The following PSEN1 variants were observed in gnomAD, a reference collection of about 807,000 sequenced individuals.
PSEN1 encodes presenilin 1, also known as presenilin-1.
PSEN1 carries 15 observed loss-of-function variants against 53.5 expected under a neutral mutation model. That is an observed-to-expected ratio of 0.28 (90% CI 0.19 to 0.43). The LOEUF is 0.43. Among genes scored for constraint, PSEN1 ranks in the 20% least tolerant of loss-of-function variants. The pLI, the probability that PSEN1 is intolerant of heterozygous loss-of-function variation, is 1.00. For missense variants in PSEN1, 387 were observed against 571.2 expected (o/e 0.68, Z 3.29); for synonymous variants, 208 against 209.8 (o/e 0.99, Z 0.08).
At chr14:73,196,171 T>G (rs1379528635) in intron 7 of PSEN1, among the ~76,000 whole-genome samples, 2 of 152,188 alleles carry the variant, frequency 1.3e-5, no homozygotes, top group Non-Finnish European at 2.9e-5. Flanking sequence ...CAAAAGCAAT[T>G]TTAATTTAAT....
At chr14:73,207,370 C>G (rs976860422) in intron 9 of PSEN1, among the ~76,000 whole-genome samples, 3 of 151,138 alleles carry the variant, frequency 2.0e-5, no homozygotes, top group African/African-American at 4.9e-5. Flanking sequence ...TATAAATAGT[C>G]TAAAAAAAGG....
Position 73,211,807 on chromosome 14 carries a change from G to A in PSEN1, c.994G>A (p.Asp332Asn), listed in dbSNP as rs1899695685. 1 of 1,614,148 alleles carries A rather than the reference G, an allele frequency of 6.2e-7. No individual in the cohort carries two copies. Among genetic ancestry groups the A allele is most frequent in the African/African-American group, 1.3e-5 (1 of 75,040 alleles). Residue 332 changes from aspartate to asparagine, a missense_variant, in exon 10 of 12, where the codon GAT becomes AAT. By Grantham distance (23) the Asp-to-Asn change is conservative (BLOSUM62 1). Transcript: ENST00000324501. The stretch of plus-strand genomic sequence containing the variant: ...GTCACAAGACACTGTTGCAGAGAAT[G>A]ATGATGGCGGGTTCAGTGAGGAATG... ...RESQDTVAEN[D>N]DGGFSEEWEA...
At chr14:73,175,821 T>C (rs1382330639) in intron 5 of PSEN1, among the ~76,000 whole-genome samples, 1 of 152,220 alleles carries the variant, frequency 6.6e-6, no homozygotes, top group Non-Finnish European at 1.5e-5. Flanking sequence ...AGTAGAATTT[T>C]TGGGGCAAAT....
chr14:73,200,061 G>C (rs1899114751), intron 8 of PSEN1, among the ~76,000 whole-genome samples: 3 of 152,086 alleles, frequency 2.0e-5, no homozygotes, highest in African/African-American at 4.8e-5. Flanking sequence ...CTTTGTTAAT[G>C]CTTGCCTGTG....
intron 1 of PSEN1, among the ~76,000 whole-genome samples, chr14:73,137,902 C>T (rs1896792236): frequency 6.6e-6 from 1 of 151,880 alleles, no homozygotes; most frequent in African/African-American, 2.4e-5. Flanking sequence ...ACGGCGAAAC[C>T]CCGGCTCTAC....
At chr14:73,196,620 C>T (rs1346780891) in intron 7 of PSEN1, among the ~76,000 whole-genome samples, 1 of 151,262 alleles carries the variant, frequency 6.6e-6, no homozygotes, top group East Asian at 1.9e-4. Flanking sequence ...ACTATAGGCA[C>T]CTGCCACCAT....
chr14:73,154,131 C>A (rs180878265), intron 3 of PSEN1, among the ~76,000 whole-genome samples: 3 of 152,148 alleles, frequency 2.0e-5, no homozygotes, highest in African/African-American at 7.2e-5. Context: ...TAACTGCTTA[C>A]ATGCGTGCAT....
intron 3 of PSEN1, chr14:73,168,152 T>TC (rs1897774671): frequency 6.6e-6 from 1 of 152,056 alleles, no homozygotes; most frequent in Admixed American, 6.6e-5. Flanking sequence ...GGTCAGGAGT[T>TC]CAAGACCAGC....
intron 1 of PSEN1, among the ~76,000 whole-genome samples, chr14:73,140,202 C>CTTTTTTTTT (rs35223948): frequency 2.7e-5 from 2 of 73,040 alleles, no homozygotes; most frequent in Non-Finnish European, 5.0e-5. Flanking sequence ...TTTTGCTATT[C>CTTTTTTTTT]TTTTTTTTTT....
chr14:73,186,944 G>C, intron 6 of PSEN1, 24 bp downstream of exon 6: 1 of 1,569,446 alleles, frequency 6.4e-7, no homozygotes, highest in Non-Finnish European at 8.8e-7. Flanking sequence ...TTTTTGGTCT[G>C]TCTTTCAGAA....
intron 7 of PSEN1, among the ~76,000 whole-genome samples, chr14:73,197,437 C>T (rs1899000990): frequency 6.6e-6 from 1 of 152,138 alleles, no homozygotes; most frequent in African/African-American, 2.4e-5. Flanking sequence ...AACTTTATCT[C>T]GCAAAGAGTT....
chr14:73,202,438 A>T (rs374891121), intron 8 of PSEN1, among the ~76,000 whole-genome samples: 45 of 16,186 alleles, frequency 2.8e-3, no homozygotes, highest in African/African-American at 0.014. Context: ...ATATATATAT[A>T]TATATATATA....
At chr14:73,150,779 A>G (rs1225262280) in intron 3 of PSEN1, among the ~76,000 whole-genome samples, 2 of 149,196 alleles carry the variant, frequency 1.3e-5, no homozygotes, top group Non-Finnish European at 3.0e-5. Context: ...AAAAAAAAAA[A>G]AAAAAAAAAG....
intron 3 of PSEN1, among the ~76,000 whole-genome samples, chr14:73,157,959 C>G (rs1386440046): frequency 6.6e-6 from 1 of 151,886 alleles, no homozygotes. Flanking sequence ...GCACTCCAGC[C>G]TGGGCAACAG....
At position 73,162,655 on chromosome 14, in the gene PSEN1, A is replaced by C. The variant is rs144291400; in HGVS notation, c.88-8142A>C. On this transcript the variant is annotated intron_variant, in intron 3 of 11. Coordinates refer to ENST00000324501, the MANE Select transcript of PSEN1 (RefSeq NM_000021.4). ...AGCCTAGTGACAGAGAATCTGTCTCAAAGATAAGAAGAATGAGGATATTCT... is the reference window on the plus strand; with the variant it reads ...AGCCTAGTGACAGAGAATCTGTCTCCAAGATAAGAAGAATGAGGATATTCT... 2.0e-5 allele frequency among the ~76,000 whole-genome samples: 3 copies of C among 152,212 alleles called. No homozygotes were observed. The East Asian group carries it at 5.8e-4, about 30-fold the overall frequency.
At chr14:73,210,232 A>G (rs1899624233) in intron 9 of PSEN1, among the ~76,000 whole-genome samples, 2 of 152,230 alleles carry the variant, frequency 1.3e-5, no homozygotes, top group Admixed American at 1.3e-4. Context: ...TCATCAGTGG[A>G]AAAAAATGAG....
intron 5 of PSEN1, among the ~76,000 whole-genome samples, chr14:73,180,397 A>G (rs1242952360): frequency 1.3e-5 from 2 of 152,218 alleles, no homozygotes; most frequent in Non-Finnish European, 2.9e-5. Context: ...ACACACAAAC[A>G]ATTATATAGA....
intron 5 of PSEN1, among the ~76,000 whole-genome samples, chr14:73,177,520 T>G (rs2056969983): frequency 1.3e-5 from 2 of 151,006 alleles, no homozygotes; most frequent in South Asian, 4.1e-4. Context: ...TTATTTGCCC[T>G]CTGTCTGAAC....
chr14:73,170,265 A>G (rs1279876511), intron 3 of PSEN1, among the ~76,000 whole-genome samples: 3 of 152,156 alleles, frequency 2.0e-5, no homozygotes, highest in East Asian at 1.9e-4. Flanking sequence ...CTGACTTCCT[A>G]TCTCATCCCG....
Sources: allele counts gnomAD v4.1 joint callset (sites outside exome capture counted in the v4.1 genomes callset), GRCh38; gene constraint gnomAD v4.1.1; transcripts MANE v1.5; gene names NCBI Gene and HGNC (gene_info 2026-07-23, HGNC 2026-07-21).